The following ADGRL3 variants were observed in gnomAD, a reference collection of about 807,000 sequenced individuals.
ADGRL3 encodes the protein adhesion G protein-coupled receptor L3, also known as calcium-independent alpha-latrotoxin receptor 3.
A neutral mutation model predicts 153.5 loss-of-function variants in ADGRL3; 62 were observed. The observed-to-expected ratio is 0.40, with a 90% CI of 0.33 to 0.50. The LOEUF is 0.50. Ranked by LOEUF, ADGRL3 falls within the 20% of genes least tolerant of loss-of-function variation. The pLI is 0.47. For missense variants in ADGRL3, 1,641 were observed against 1,859.4 expected (o/e 0.88, Z 2.16); for synonymous variants, 710 against 672.5 (o/e 1.06, Z -0.86).
intron 1 of ADGRL3, among the ~76,000 whole-genome samples, chr4:61,306,228 G>A (rs892596801): frequency 2.6e-5 from 4 of 151,962 alleles, no homozygotes; most frequent in African/African-American, 9.7e-5. Context: ...CTCCCAGGTA[G>A]CTGGGACTAC....
chr4:61,581,476 T>C (rs540841052), intron 4 of ADGRL3, among the ~76,000 whole-genome samples: 11 of 151,970 alleles, frequency 7.2e-5, no homozygotes, highest in South Asian at 4.1e-4. Flanking sequence ...CTCCTAGAGA[T>C]AGCTCTTTTT....
At chr4:61,331,321 T>C (rs115233974) in intron 1 of ADGRL3, among the ~76,000 whole-genome samples, 1,685 of 152,306 alleles carry the variant, frequency 0.011, 33 homozygotes, top group African/African-American at 0.039. Flanking sequence ...TCCTCCAATA[T>C]TTCCTGAAAT....
At chr4:61,314,390 G>T (rs2095129943) in intron 1 of ADGRL3, among the ~76,000 whole-genome samples, 1 of 151,994 alleles carries the variant, frequency 6.6e-6, no homozygotes, top group Non-Finnish European at 1.5e-5. Context: ...TGTATTTTTA[G>T]TAGAGATGGG....
intron 4 of ADGRL3, among the ~76,000 whole-genome samples, chr4:61,527,039 A>G (rs2098567466): frequency 6.6e-6 from 1 of 152,074 alleles, no homozygotes; most frequent in Admixed American, 6.6e-5. Context: ...AGTTAACATT[A>G]TTTGCAACAC....
intron 21 of ADGRL3, among the ~76,000 whole-genome samples, chr4:62,019,137 T>C (rs1343553993): frequency 6.6e-6 from 1 of 152,166 alleles, no homozygotes; most frequent in Non-Finnish European, 1.5e-5. Flanking sequence ...CAAGCCATTT[T>C]ACATTTGCTT....
intron 25 of ADGRL3, among the ~76,000 whole-genome samples, chr4:62,065,627 T>C (rs189802844): frequency 2.0e-5 from 3 of 152,174 alleles, no homozygotes; most frequent in Admixed American, 1.3e-4. Context: ...GTATTTATTT[T>C]AAAACAAATA....
intron 5 of ADGRL3, among the ~76,000 whole-genome samples, chr4:61,655,117 T>C (rs1161854361): frequency 6.6e-6 from 1 of 152,128 alleles, no homozygotes; most frequent in Non-Finnish European, 1.5e-5. Context: ...TGGCCAGCAG[T>C]GTACTCACAC....
chr4:61,560,716 G>A (rs890611009), intron 4 of ADGRL3, among the ~76,000 whole-genome samples: 1 of 151,704 alleles, frequency 6.6e-6, no homozygotes, highest in Non-Finnish European at 1.5e-5. Flanking sequence ...AACAACTTAC[G>A]GAGGTCTATT....
At chr4:61,503,168 A>G (rs1184230716) in intron 3 of ADGRL3, among the ~76,000 whole-genome samples, 1 of 152,172 alleles carries the variant, frequency 6.6e-6, no homozygotes, top group East Asian at 1.9e-4. Context: ...ATTTGTTTAG[A>G]AACTTCCCCA....
chr4:61,403,559 T>C (rs13127162), intron 2 of ADGRL3, among the ~76,000 whole-genome samples: 42,923 of 151,976 alleles, frequency 0.28, 6,282 homozygotes, highest in Middle Eastern at 0.37. Context: ...CTCTTTCACC[T>C]GGTTGTTTGT....
At chr4:61,570,042 C>A (rs926134721) in intron 4 of ADGRL3, among the ~76,000 whole-genome samples, 1 of 152,018 alleles carries the variant, frequency 6.6e-6, no homozygotes, top group Non-Finnish European at 1.5e-5. Context: ...CTACTATGAA[C>A]GTATTTGCAC....
At chr4:61,575,330 T>A (rs1251317936) in intron 4 of ADGRL3, among the ~76,000 whole-genome samples, 1 of 151,998 alleles carries the variant, frequency 6.6e-6, no homozygotes, top group East Asian at 1.9e-4. Flanking sequence ...ATTTTAAATT[T>A]GTGTTCTAGT....
At chr4:62,052,696 C>T (rs957810394) in intron 25 of ADGRL3, among the ~76,000 whole-genome samples, 5 of 150,730 alleles carry the variant, frequency 3.3e-5, no homozygotes, top group South Asian at 2.1e-4. Context: ...TATTTCAGTA[C>T]GAGGATGAAT....
intron 9 of ADGRL3, among the ~76,000 whole-genome samples, chr4:61,840,735 G>C (rs1191317355): frequency 1.3e-5 from 2 of 152,130 alleles, no homozygotes; most frequent in Non-Finnish European, 2.9e-5. Flanking sequence ...AGCAGGAATA[G>C]GTAGCCTATG....
At chr4:61,661,046 C>T (rs940909673) in intron 5 of ADGRL3, among the ~76,000 whole-genome samples, 3 of 151,908 alleles carry the variant, frequency 2.0e-5, no homozygotes, top group Non-Finnish European at 4.4e-5. Context: ...TTGCCCTATA[C>T]GTTATTACCT....
In ADGRL3 at chr4:61,399,947, G is replaced by T. The variant is rs542109161; in HGVS notation, c.-174+16758G>T. Among the ~76,000 whole-genome samples, 14 of 151,690 alleles carry T rather than the reference G, an allele frequency of 9.2e-5. 1 individual carries two copies. The highest frequency in any genetic ancestry group is 1.9e-4 in the Non-Finnish European group (13 of 67,710). Reference sequence around the variant, plus strand: ...GACTAATGCAATTAATTTGTACTCAGTTATAAGTAGAGGCGATGAGTACCA... The same window carrying T: ...GACTAATGCAATTAATTTGTACTCATTTATAAGTAGAGGCGATGAGTACCA... On this transcript the variant is annotated intron_variant, in intron 2 of 26. Coordinates refer to ENST00000683033, the MANE Select transcript of ADGRL3 (RefSeq NM_001387552.1).
At chr4:61,297,898 T>G (rs1566979) in intron 1 of ADGRL3, among the ~76,000 whole-genome samples, 146,802 of 152,128 alleles carry the variant, frequency 0.96, 71,056 homozygotes, top group East Asian at 1. Context: ...TACAGTATCA[T>G]TTGCGAGACT....
chr4:61,387,598 C>G (rs145635377), intron 2 of ADGRL3, among the ~76,000 whole-genome samples: 1 of 152,066 alleles, frequency 6.6e-6, no homozygotes, highest in Non-Finnish European at 1.5e-5. Flanking sequence ...CGATATTTCT[C>G]CCATTTGCTT....
rs186409286 is a variant in ADGRL3, at chr4:61,945,991, A to T, written c.2420-923A>T. 5.6e-4 allele frequency among the ~76,000 whole-genome samples: 85 copies of T among 152,218 alleles called. 1 individual carries two copies. Among genetic ancestry groups the T allele is most frequent in the Admixed American group, 5.6e-3 (85 of 15,286 alleles). On this transcript the variant is annotated intron_variant, in intron 15 of 26. Transcript: ENST00000683033. ...TATATTCTATTATATAATGTGCCATAATTTATTTATTCTCCTATAAATAAT... is the reference window on the plus strand; with the variant it reads ...TATATTCTATTATATAATGTGCCATTATTTATTTATTCTCCTATAAATAAT...
Sources: gnomAD v4.1 joint callset for allele counts (sites outside exome capture counted in the v4.1 genomes callset) on GRCh38, gnomAD v4.1.1 for gene constraint, MANE v1.5 for transcripts, NCBI Gene and HGNC (gene_info 2026-07-23, HGNC 2026-07-21) for gene names.